The following PCDHA11 variants were observed in gnomAD, a reference collection of about 807,000 sequenced individuals.
PCDHA11 encodes protocadherin alpha 11, also known as protocadherin alpha-11.
In PCDHA11, 61 loss-of-function variants were observed where a neutral mutation model predicts 70.3. That is an observed-to-expected ratio of 0.87 (90% confidence interval 0.71 to 1.07). The LOEUF (loss-of-function observed/expected upper bound fraction) is 1.07. PCDHA11 is among the 50% of genes least tolerant of loss of function. The pLI is 0.00. For missense variants in PCDHA11, 1,324 were observed against 1,237.5 expected, an observed-to-expected ratio of 1.07 and a Z score of -1.05; for synonymous variants, 633 against 555.1, an observed-to-expected ratio of 1.14 and a Z score of -1.97.
chr5:140,879,872 T>C (rs944464993), intron 1 of PCDHA11, among the ~76,000 whole-genome samples: 1 of 152,208 alleles, frequency 6.6e-6, no homozygotes, highest in African/African-American at 2.4e-5. Context: ...GCTTTCATGG[T>C]CACATTGCCT....
intron 3 of PCDHA11, among the ~76,000 whole-genome samples, chr5:140,990,902 C>G (rs2097421729): frequency 6.6e-6 from 1 of 152,112 alleles, no homozygotes; most frequent in African/African-American, 2.4e-5. Flanking sequence ...GTTGCTGGGT[C>G]AAGTTTTATA....
chr5:140,968,357 C>A (rs1554230636), intron 1 of PCDHA11: 2 of 1,614,080 alleles, frequency 1.2e-6, no homozygotes, highest in Non-Finnish European at 1.7e-6. Flanking sequence ...CAGTGGCAGC[C>A]TTTATGCTGT....
chr5:140,971,922 G>A (rs1433994919), intron 1 of PCDHA11, among the ~76,000 whole-genome samples: 1 of 152,120 alleles, frequency 6.6e-6, no homozygotes, highest in Admixed American at 6.5e-5. Context: ...CACACTGCTA[G>A]TGTTATTTTA....
chr5:140,937,728 C>T (rs1180728000), intron 1 of PCDHA11, among the ~76,000 whole-genome samples: 4 of 151,954 alleles, frequency 2.6e-5, no homozygotes, highest in African/African-American at 7.2e-5. Flanking sequence ...CTGGCTAACA[C>T]GGTGAAACCC....
intron 1 of PCDHA11, among the ~76,000 whole-genome samples, chr5:140,920,909 C>A (rs2079923809): frequency 6.6e-6 from 1 of 151,058 alleles, no homozygotes; most frequent in Admixed American, 6.6e-5. Context: ...GTTCTCAAAT[C>A]AGTTCCAAGA....
rs575540619 is a variant in PCDHA11 at position 140,959,917 on chromosome 5, T to A, written c.2392-19032T>A. ...TTTATATCAGAAAAATCAAAGCCATTTGTAAAGCCCCATTACTTAGGCAGA... is the reference window on the plus strand; with the variant it reads ...TTTATATCAGAAAAATCAAAGCCATATGTAAAGCCCCATTACTTAGGCAGA... On this transcript the variant is annotated intron_variant, in intron 1 of 3. Transcript: ENST00000398640. 3.3e-5 allele frequency among the ~76,000 whole-genome samples: 5 copies of A among 152,296 alleles called. No homozygotes were observed. The East Asian group carries it at 9.6e-4, about 29-fold the overall frequency.
At chr5:140,881,918 A>G (rs1263343700) in intron 1 of PCDHA11, 3 of 252,356 alleles carry the variant, frequency 1.2e-5, no homozygotes, top group Non-Finnish European at 2.3e-5. Flanking sequence ...TGTTGAGCAG[A>G]ATGCAGTGAT....
chr5:140,948,959 C>T (rs1315047565), intron 1 of PCDHA11, among the ~76,000 whole-genome samples: 13 of 151,622 alleles, frequency 8.6e-5, no homozygotes, highest in South Asian at 6.2e-4. Context: ...ATTAAAGCCA[C>T]GAATTTATTA....
intron 1 of PCDHA11, chr5:140,881,303 C>A: frequency 2.1e-6 from 2 of 962,604 alleles, no homozygotes; most frequent in Non-Finnish European, 2.5e-6. Flanking sequence ...GAAACTTTAA[C>A]CTCCTGGTTA....
rs782169362 is a variant in PCDHA11 at position 140,979,015 on chromosome 5, T to A, written c.2450+8T>A. The A allele has an allele frequency of 6.2e-7, 1 of 1,613,920 alleles. No homozygotes were observed. Among genetic ancestry groups the A allele is most frequent in the Non-Finnish European group, 8.5e-7 (1 of 1,179,908 alleles). On this transcript the variant is annotated splice_region_variant and intron_variant, in intron 2 of 3. Coordinates refer to ENST00000398640, the MANE Select transcript of PCDHA11 (RefSeq NM_018902.5). ...GAGAGCAGGCATGCACAGGTATGTA[T>A]TTCCCTCCTCATTCACTCAGAAGTA...
At chr5:140,919,610 T>G (rs1173177727) in intron 1 of PCDHA11, among the ~76,000 whole-genome samples, 1 of 152,216 alleles carries the variant, frequency 6.6e-6, no homozygotes, top group Non-Finnish European at 1.5e-5. Flanking sequence ...AATTTTAAAC[T>G]GTATCTTTTG....
At chr5:140,997,615 T>C (rs900460811) in intron 3 of PCDHA11, among the ~76,000 whole-genome samples, 5 of 152,096 alleles carry the variant, frequency 3.3e-5, no homozygotes, top group Non-Finnish European at 7.3e-5. Context: ...CATGACTATA[T>C]AGAGATTTTC....
intron 1 of PCDHA11, chr5:140,968,039 G>A (rs1016266543): frequency 1.7e-5 from 28 of 1,614,026 alleles, no homozygotes; most frequent in Non-Finnish European, 1.9e-5. Context: ...GGTGGTGAGC[G>A]GCCCACTGGA....
chr5:140,978,057 T>C (rs527562348), intron 1 of PCDHA11, among the ~76,000 whole-genome samples: 1 of 152,304 alleles, frequency 6.6e-6, no homozygotes, highest in South Asian at 2.1e-4. Context: ...ACTGATGATG[T>C]CCCAGTGATT....
Position 140,940,419 on chromosome 5 carries a change from A to G in PCDHA11, c.2392-38530A>G, listed in dbSNP as rs890018340. Among the ~76,000 whole-genome samples, 3 of 152,002 alleles carry G rather than the reference A, an allele frequency of 2.0e-5. No homozygotes were observed. The East Asian group carries it at 5.8e-4, about 29-fold the overall frequency. ...GTTTTTCATTTTAAAAATTATAATT[A>G]TTACTGATCAAGTCTGCCATGATAT... On this transcript the variant is annotated intron_variant, in intron 1 of 3. Transcript: ENST00000398640.
intron 1 of PCDHA11, chr5:140,928,746 C>A (rs782813323): frequency 6.2e-7 from 1 of 1,614,130 alleles, no homozygotes. Context: ...TAGGTGAGCT[C>A]CGTACTGCTC....
intron 1 of PCDHA11, chr5:140,968,131 G>A (rs1485866692): frequency 1.2e-6 from 2 of 1,614,042 alleles, no homozygotes; most frequent in African/African-American, 1.3e-5. Context: ...TGCGTACACT[G>A]AAGGTTGAGA....
At chr5:140,890,738 A>G (rs1283898948) in intron 1 of PCDHA11, among the ~76,000 whole-genome samples, 1 of 152,200 alleles carries the variant, frequency 6.6e-6, no homozygotes. Context: ...TGACTTATAT[A>G]CTATTTCTGT....
At chr5:140,926,178 G>GC (rs1221259064) in intron 1 of PCDHA11, among the ~76,000 whole-genome samples, 2 of 151,700 alleles carry the variant, frequency 1.3e-5, no homozygotes, top group Non-Finnish European at 2.9e-5. Flanking sequence ...AGCGCGGAAA[G>GC]CCCCCCGCAG....
Sources: allele counts gnomAD v4.1 joint callset (sites outside exome capture counted in the v4.1 genomes callset), GRCh38; gene constraint gnomAD v4.1.1; transcripts MANE v1.5; gene names NCBI Gene and HGNC (gene_info 2026-07-23, HGNC 2026-07-21).